Variants in TAFA1 observed in about 807,000 individuals in gnomAD.
TAFA1 encodes chemokine-like protein TAFA-1.
Under a neutral mutation model 18.5 loss-of-function variants are expected in TAFA1, and 4 were observed. The observed-to-expected ratio is 0.22, with a 90% CI of 0.11 to 0.49. The LOEUF is 0.49. Ranked by LOEUF, TAFA1 falls within the 20% of genes least tolerant of loss-of-function variation. The probability of loss-of-function intolerance (pLI) is 0.98; values close to 1 mark genes in which losing one functional copy is unlikely to be tolerated. For synonymous variants in TAFA1, 56 were observed against 55.2 expected (o/e 1.01, Z -0.06); for missense variants, 147 against 169.0 (o/e 0.87, Z 0.72).
intron 2 of TAFA1, among the ~76,000 whole-genome samples, chr3:68,029,183 T>C (rs977972020): frequency 6.2e-4 from 95 of 152,278 alleles, no homozygotes; most frequent in African/African-American, 2.2e-3. Context: ...TTGTTTACCA[T>C]ATAAGGTAGT....
chr3:68,140,558 C>T (rs543835160), intron 2 of TAFA1, among the ~76,000 whole-genome samples: 1 of 152,292 alleles, frequency 6.6e-6, no homozygotes, highest in Admixed American at 6.5e-5. Context: ...CTGCATGAGT[C>T]CTGGGCTGAA....
chr3:68,239,504 C>T (rs866896896), intron 2 of TAFA1, among the ~76,000 whole-genome samples: 71 of 152,052 alleles, frequency 4.7e-4, no homozygotes, highest in Non-Finnish European at 7.4e-4. Context: ...AGGACAGGCA[C>T]CTGAAATTCT....
chr3:68,369,734 G>C (rs1421439262), intron 2 of TAFA1, among the ~76,000 whole-genome samples: 1 of 152,046 alleles, frequency 6.6e-6, no homozygotes, highest in Non-Finnish European at 1.5e-5. Context: ...GCTGCCTCTT[G>C]TGTTGTTTCT....
At chr3:68,358,807 T>A (rs1186398199) in intron 2 of TAFA1, among the ~76,000 whole-genome samples, 4 of 151,994 alleles carry the variant, frequency 2.6e-5, no homozygotes, top group African/African-American at 9.7e-5. Context: ...TGTAGCATAA[T>A]GGAGAAGATG....
chr3:68,490,783 A>G (rs923555742), intron 3 of TAFA1, among the ~76,000 whole-genome samples: 2 of 150,862 alleles, frequency 1.3e-5, no homozygotes, highest in Non-Finnish European at 2.9e-5. Flanking sequence ...AAATATCAAC[A>G]GATATCAATA....
At chr3:68,421,854 T>A (rs1015006140) in intron 3 of TAFA1, among the ~76,000 whole-genome samples, 65 of 152,270 alleles carry the variant, frequency 4.3e-4, no homozygotes, top group African/African-American at 1.5e-3. Context: ...TTGTTTCATA[T>A]TAATTGAACA....
chr3:68,447,853 T>C lies in TAFA1; in HGVS notation c.259+30433T>C, dbSNP rs2071496907. ...TCTTAGGAAAGAATGCTGTAAGCAGTAAACAAAAGAATCAACATGTACAGC... is the reference window on the plus strand; with the variant it reads ...TCTTAGGAAAGAATGCTGTAAGCAGCAAACAAAAGAATCAACATGTACAGC... On this transcript the variant is annotated intron_variant, in intron 3 of 4. Transcript: ENST00000478136. Among the ~76,000 whole-genome samples, 4 of 152,186 alleles carry C rather than the reference T, an allele frequency of 2.6e-5. No homozygotes were observed. In the South Asian group the frequency reaches 8.3e-4, roughly 31 times the overall value.
At chr3:68,182,618 C>G (rs1169352442) in intron 2 of TAFA1, among the ~76,000 whole-genome samples, 1 of 152,086 alleles carries the variant, frequency 6.6e-6, no homozygotes, top group Non-Finnish European at 1.5e-5. Flanking sequence ...CATCCAACAC[C>G]CCTTTAAAGT....
chr3:67,994,781 C>G, the TAFA1 span, among the ~76,000 whole-genome samples: 573 of 152,248 alleles, frequency 3.8e-3, 6 homozygotes, highest in South Asian at 0.016. Context: ...GAGGAAATGT[C>G]TTTTAGAAGA....
chr3:68,348,950 T>C (rs905184982), intron 2 of TAFA1, among the ~76,000 whole-genome samples: 2 of 151,924 alleles, frequency 1.3e-5, no homozygotes, highest in African/African-American at 4.8e-5. Flanking sequence ...ACATGGTTGA[T>C]ACAAGGTGTA....
chr3:68,038,702 G>A (rs1705103828), intron 2 of TAFA1, among the ~76,000 whole-genome samples: 1 of 152,076 alleles, frequency 6.6e-6, no homozygotes, highest in Admixed American at 6.6e-5. Flanking sequence ...CTATGCAGGG[G>A]TCAATACTCG....
chr3:68,042,162 C>T (rs1705177961), intron 2 of TAFA1, among the ~76,000 whole-genome samples: 1 of 152,086 alleles, frequency 6.6e-6, no homozygotes, highest in African/African-American at 2.4e-5. Flanking sequence ...TTTTTCCTAC[C>T]CTAATTTGCA....
At chr3:68,387,048 T>A (rs2070120019) in intron 2 of TAFA1, among the ~76,000 whole-genome samples, 1 of 151,722 alleles carries the variant, frequency 6.6e-6, no homozygotes. Context: ...ATACACTCTG[T>A]GCCTAATTTT....
intron 2 of TAFA1, among the ~76,000 whole-genome samples, chr3:68,082,541 A>G (rs2064918187): frequency 6.6e-6 from 1 of 152,240 alleles, no homozygotes. Context: ...TCTTGTTTCC[A>G]CAACTGTAAA....
intron 2 of TAFA1, among the ~76,000 whole-genome samples, chr3:68,030,395 C>G (rs2106649817): frequency 6.6e-6 from 1 of 152,156 alleles, no homozygotes; most frequent in Non-Finnish European, 1.5e-5. Context: ...GGTATTTCTT[C>G]TAATGCTATC....
At chr3:68,164,709 C>G (rs974772232) in intron 2 of TAFA1, among the ~76,000 whole-genome samples, 1 of 151,460 alleles carries the variant, frequency 6.6e-6, no homozygotes, top group Non-Finnish European at 1.5e-5. Context: ...AGGGTTAGCT[C>G]TCAAGTTTTC....
At chr3:68,253,888 T>C (rs976839016) in intron 2 of TAFA1, among the ~76,000 whole-genome samples, 1 of 152,200 alleles carries the variant, frequency 6.6e-6, no homozygotes, top group African/African-American at 2.4e-5. Context: ...AAGGTCATTA[T>C]TGTGTGACAT....
chr3:68,304,770 G>A (rs904397255), intron 2 of TAFA1, among the ~76,000 whole-genome samples: 1 of 152,134 alleles, frequency 6.6e-6, no homozygotes, highest in East Asian at 1.9e-4. Flanking sequence ...TAATTATTTG[G>A]TCAGTTGGTA....
intron 2 of TAFA1, among the ~76,000 whole-genome samples, chr3:68,351,047 C>T (rs2069255673): frequency 6.6e-6 from 1 of 152,102 alleles, no homozygotes; most frequent in African/African-American, 2.4e-5. Flanking sequence ...CCTTTGGATG[C>T]TCATTGGCAT....
Sources: gnomAD v4.1 joint callset for allele counts (sites outside exome capture counted in the v4.1 genomes callset) on GRCh38, gnomAD v4.1.1 for gene constraint, MANE v1.5 for transcripts, NCBI Gene and HGNC (gene_info 2026-07-23, HGNC 2026-07-21) for gene names.